The following ZNF496 variants were observed in gnomAD, a reference collection of about 807,000 sequenced individuals.
ZNF496 encodes the protein NSD1 (nuclear receptor binding SET-domain containing 1)-interacting zinc finger protein 1.
In ZNF496, 11 loss-of-function variants were observed where a neutral mutation model predicts 58.9. The observed-to-expected ratio is 0.19, with a 90% CI of 0.12 to 0.31. The LOEUF is 0.31. Among genes scored for constraint, ZNF496 ranks in the 10% least tolerant of loss-of-function variants. ZNF496 has a pLI of 1.00. For synonymous variants in ZNF496, 338 were observed against 318.2 expected, an observed-to-expected ratio of 1.06 and a Z score of -0.66; for missense variants, 660 against 783.0, an observed-to-expected ratio of 0.84 and a Z score of 1.88.
In ZNF496 at chr1:247,309,982, G is replaced by T. The variant is rs1659541162; in HGVS notation, c.785-176C>A. 7.4e-6 allele frequency: 10 copies of T among 1,347,280 alleles called. No individual in the cohort carries two copies. The South Asian group carries it at 1.4e-4, about 19-fold the overall frequency. The allele number at this position is 1,347,280 out of a possible 1,614,324, so 83.5% of individuals were successfully genotyped here. A position where few individuals can be genotyped will look rare whatever the true frequency, so the allele number is the denominator to read the frequency against. The stretch of plus-strand genomic sequence containing the variant: ...GGGCAGTGGGGGCAGCACACGCAGG[G>T]AGAGCTATGGGCTTGGGGGTCTCTC... On this transcript the variant is annotated intron_variant, in intron 7 of 9. Transcript: ENST00000682384. The surrounding 1 kb of genome is among the most constrained non-coding windows in gnomAD (Gnocchi z 4.3).
chr1:247,304,065 GA>G, intron 9 of ZNF496: 1 of 440,896 alleles, frequency 2.3e-6, no homozygotes, highest in South Asian at 1.6e-5. Context: ...GAACTGAAAG[GA>G]AAAGAGATGG....
chr1:247,328,988 T>C (rs1660227823), intron 4 of ZNF496, 122 bp from the exon 5 acceptor site: 4 of 1,405,968 alleles, frequency 2.8e-6, no homozygotes, highest in Non-Finnish European at 3.8e-6. Flanking sequence ...GACTGGGCTG[T>C]AAAGGGGCAC....
chr1:247,328,916 C>T (rs745581388), intron 4 of ZNF496, 50 bp from the exon 5 acceptor site: 28 of 1,536,684 alleles, frequency 1.8e-5, no homozygotes, highest in Admixed American at 2.0e-5. Flanking sequence ...GGTCCCATCT[C>T]TCCCTGGGCC....
Position 247,323,302 on chromosome 1 carries a change from C to T in ZNF496, c.575-72G>A, listed in dbSNP as rs572124164. 46 of 1,106,082 alleles carry T rather than the reference C, an allele frequency of 4.2e-5. No homozygotes were observed. The African/African-American group carries it at 6.2e-4, about 15-fold the overall frequency. 68.5% of individuals were successfully genotyped at this position (1,106,082 alleles called of 1,614,324 possible). A position where few individuals can be genotyped will look rare whatever the true frequency, so the allele number is the denominator to read the frequency against. ...CCTGGTGCTGATACCTTCTGAGCTTCCTGCGGCTCTTCATTTCCATTTTGG... is the reference window on the plus strand; with the variant it reads ...CCTGGTGCTGATACCTTCTGAGCTTTCTGCGGCTCTTCATTTCCATTTTGG... On this transcript the variant is annotated intron_variant, in intron 5 of 9. Transcript: ENST00000682384.
chr1:247,318,071 G>C (rs1196867968), intron 6 of ZNF496, among the ~76,000 whole-genome samples: 1 of 152,182 alleles, frequency 6.6e-6, no homozygotes, highest in Non-Finnish European at 1.5e-5. Flanking sequence ...AATGTGAACA[G>C]TACAAACCAC....
chr1:247,297,945 T>C lies in ZNF496; in HGVS notation c.*2574A>G, dbSNP rs1166393444. 1.3e-5 allele frequency: 2 copies of C among 152,224 alleles called. No homozygotes were observed. Among genetic ancestry groups the C allele is most frequent in the African/African-American group, 2.4e-5 (1 of 41,446 alleles). The allele number at this position is 152,224 out of a possible 1,614,324, so 9.4% of individuals were successfully genotyped here. A position where few individuals can be genotyped will look rare whatever the true frequency, so the allele number is the denominator to read the frequency against. On this transcript the variant is annotated 3_prime_UTR_variant, in exon 10 of 10. Transcript: ENST00000682384. ...TGTGGTTTTACACAGAAAAACACTC[T>C]GGTAAGTAGAACAGTGTTCTTCTCT... is the stretch of plus-strand genomic sequence containing the variant.
intron 9 of ZNF496, among the ~76,000 whole-genome samples, chr1:247,305,458 C>T (rs891903051): frequency 2.4e-4 from 37 of 152,166 alleles, no homozygotes; most frequent in African/African-American, 8.9e-4. Flanking sequence ...GGGACCAGGG[C>T]TCGTGGCCAC....
intron 9 of ZNF496, chr1:247,307,498 C>T (rs1416156157): frequency 3.0e-6 from 3 of 985,290 alleles, no homozygotes; most frequent in Non-Finnish European, 3.6e-6. Flanking sequence ...ATCAGGCCTG[C>T]GCTTGAACTC....
intron 9 of ZNF496, among the ~76,000 whole-genome samples, chr1:247,305,104 G>A (rs1248054700): frequency 6.6e-6 from 1 of 152,060 alleles, no homozygotes; most frequent in Non-Finnish European, 1.5e-5. Context: ...TTGAAGATAG[G>A]CTCTTTCAAG....
Position 247,328,845 on chromosome 1 carries a change from C to A in ZNF496, c.412G>T (p.Val138Leu). 2 of 1,605,518 alleles carry A rather than the reference C, an allele frequency of 1.2e-6. No homozygotes were observed. Among genetic ancestry groups the A allele is most frequent in the Non-Finnish European group, 1.7e-6 (2 of 1,176,096 alleles). ...WQWLKHCEDP[V>L]VIDDGDSPLD... ...GGGCTGTCCCCATCATCAATCACCACAGGGTCTTCACAGTGCTTGAGCTGC... is the reference window on the plus strand; with the variant it reads ...GGGCTGTCCCCATCATCAATCACCAAAGGGTCTTCACAGTGCTTGAGCTGC... The change falls in exon 5 of 10, where the codon GTG (valine) becomes TTG (leucine). Residue 138 changes from valine to leucine, a missense_variant. Transcript: ENST00000682384.
chr1:247,326,773 G>A (rs1271470983), intron 5 of ZNF496, among the ~76,000 whole-genome samples: 5 of 152,080 alleles, frequency 3.3e-5, no homozygotes, highest in Admixed American at 1.3e-4. Context: ...CATATGGGTG[G>A]GCCCTAATCC....
intron 9 of ZNF496, among the ~76,000 whole-genome samples, chr1:247,301,565 G>A (rs1659240688): frequency 6.6e-6 from 1 of 151,884 alleles, no homozygotes; most frequent in South Asian, 2.1e-4. Flanking sequence ...CTCTACCCAC[G>A]GAGACCACCC....
Position 247,308,862 on chromosome 1 carries a change from T to G in ZNF496, c.893-274A>C. 6 of 406,332 alleles carry G rather than the reference T, an allele frequency of 1.5e-5. No individual in the cohort carries two copies. The highest frequency in any genetic ancestry group is 2.8e-5 in the Non-Finnish European group (6 of 215,510). 25.2% of individuals were successfully genotyped at this position (406,332 alleles called of 1,614,324 possible). ...CCACTCTATGGCCAGAGACAAGCAC[T>G]TCCCCCAGCCCCATATTTATTCCCA... On this transcript the variant is annotated intron_variant, in intron 8 of 9. Coordinates refer to ENST00000682384, the MANE Select transcript of ZNF496 (RefSeq NM_032752.3). This position sits in a 1 kb window ranked among gnomAD's most constrained non-coding sequence, Gnocchi z 4.5.
rs919421432 is a variant in ZNF496, at chr1:247,297,975, T to C, written c.*2544A>G. On this transcript the variant is annotated 3_prime_UTR_variant, in exon 10 of 10. Coordinates refer to ENST00000682384, the MANE Select transcript of ZNF496 (RefSeq NM_032752.3). Reference sequence around the variant, plus strand: ...AGTAGAACAGTGTTCTTCTCTTGAGTCAGACGTCTGAAGCAGGAAGGTGAA... The same window carrying C: ...AGTAGAACAGTGTTCTTCTCTTGAGCCAGACGTCTGAAGCAGGAAGGTGAA... 1 of 152,084 alleles carries C rather than the reference T, an allele frequency of 6.6e-6. No individual in the cohort carries two copies. Among genetic ancestry groups the C allele is most frequent in the Non-Finnish European group, 1.5e-5 (1 of 68,028 alleles). 9.4% of individuals were successfully genotyped at this position (152,084 alleles called of 1,614,324 possible).
chr1:247,301,719 T>C (rs1440335448), intron 9 of ZNF496, among the ~76,000 whole-genome samples: 7 of 152,050 alleles, frequency 4.6e-5, no homozygotes, highest in African/African-American at 1.7e-4. Context: ...CCTACACATA[T>C]CATGTGCTGG....
Position 247,299,616 on chromosome 1 carries a change from G to C in ZNF496, c.*903C>G, listed in dbSNP as rs1433727228. 1 of 152,220 alleles carries C rather than the reference G, an allele frequency of 6.6e-6. No individual in the cohort carries two copies. Among genetic ancestry groups the C allele is most frequent in the African/African-American group, 2.4e-5 (1 of 41,442 alleles). The allele number at this position is 152,220 out of a possible 1,614,324, so 9.4% of individuals were successfully genotyped here. A position where few individuals can be genotyped will look rare whatever the true frequency, so the allele number is the denominator to read the frequency against. On this transcript the variant is annotated 3_prime_UTR_variant, in exon 10 of 10. Transcript: ENST00000682384. ...ACCCAGACAGGAGAACCCCTCACTG[G>C]GGGCAGAGCTCCACATTCCTAGACA...
chr1:247,329,103 C>A lies in ZNF496; in HGVS notation c.390+86G>T. 1 of 1,593,986 alleles carries A rather than the reference C, an allele frequency of 6.3e-7. No homozygotes were observed. Among genetic ancestry groups the A allele is most frequent in the Non-Finnish European group, 8.6e-7 (1 of 1,167,160 alleles). ...GTAAATGGCTCTCGATGGAACTCCT[C>A]ATTCCCCAGCCAGCACATGCATGGC... On this transcript the variant is annotated intron_variant, in intron 4 of 9. Transcript: ENST00000682384. The surrounding 1 kb of genome is among the most constrained non-coding windows in gnomAD (Gnocchi z 5.5).
At position 247,308,305 on chromosome 1, in the gene ZNF496, C is replaced by T. The variant is rs967072934; in HGVS notation, c.1006+170G>A. ...CACATGCCCCCAACACACAGGTGCACCCATGAATGCACACACTCACACATG... is the reference window on the plus strand; with the variant it reads ...CACATGCCCCCAACACACAGGTGCATCCATGAATGCACACACTCACACATG... On this transcript the variant is annotated intron_variant, in intron 9 of 9. Transcript: ENST00000682384. This position sits in a 1 kb window ranked among gnomAD's most constrained non-coding sequence, Gnocchi z 4.5. 6.6e-6 allele frequency among the ~76,000 whole-genome samples: 1 copy of T among 152,170 alleles called. No individual in the cohort carries two copies. Among genetic ancestry groups the T allele is most frequent in the Admixed American group, 6.5e-5 (1 of 15,276 alleles).
intron 6 of ZNF496, chr1:247,322,820 A>G: frequency 7.7e-7 from 1 of 1,300,238 alleles, no homozygotes. Flanking sequence ...AAAATAAAAG[A>G]GCAGAGAGAT....
Sources: gnomAD v4.1 joint callset for allele counts (sites outside exome capture counted in the v4.1 genomes callset) on GRCh38, gnomAD v4.1.1 for gene constraint, Gnocchi (gnomAD v3.1) non-coding constraint, MANE v1.5 for transcripts, NCBI Gene and HGNC (gene_info 2026-07-23, HGNC 2026-07-21) for gene names.